Variants in TIAM1 observed in about 807,000 individuals in gnomAD.
TIAM1 encodes the protein rho guanine nucleotide exchange factor TIAM1.
In TIAM1, 65 loss-of-function variants were observed where a neutral mutation model predicts 163.5. The observed-to-expected ratio is 0.40, with a 90% CI of 0.33 to 0.49. TIAM1 has a LOEUF of 0.49. Among genes scored for constraint, TIAM1 ranks in the 20% least tolerant of loss-of-function variants. TIAM1 has a pLI of 0.77. For missense variants in TIAM1, 1,789 were observed against 2,044.7 expected, an observed-to-expected ratio of 0.87 and a Z score of 2.41; for synonymous variants, 833 against 810.1, an observed-to-expected ratio of 1.03 and a Z score of -0.48.
chr21:31,296,719 A>G (rs182956253), intron 2 of TIAM1, among the ~76,000 whole-genome samples: 5 of 151,732 alleles, frequency 3.3e-5, no homozygotes, highest in African/African-American at 9.7e-5. Flanking sequence ...GCTGGAGTGC[A>G]GTGGTGCGAT....
chr21:31,513,487 CCCTGCCATTCAGGAGGGTGA>C (rs2047280516), intron 1 of TIAM1, among the ~76,000 whole-genome samples: 1 of 152,192 alleles, frequency 6.6e-6, no homozygotes, highest in Non-Finnish European at 1.5e-5. Context: ...AAACAAACAG[CCCTGCCATTCAGGAGGGTGA>C]CCCACAAGCT....
intron 6 of TIAM1, among the ~76,000 whole-genome samples, chr21:31,231,758 G>A (rs753518531): frequency 2.0e-5 from 3 of 152,168 alleles, no homozygotes; most frequent in Non-Finnish European, 4.4e-5. Context: ...GTTCATGCCT[G>A]TAGTCCCAGC....
intron 1 of TIAM1, among the ~76,000 whole-genome samples, chr21:31,340,150 C>A (rs560224790): frequency 4.0e-5 from 6 of 151,608 alleles, no homozygotes; most frequent in African/African-American, 1.5e-4. Context: ...GCTCACAATC[C>A]CTTTCCATCC....
In TIAM1 at chr21:31,460,043, G is replaced by A. The variant is rs2045265928; in HGVS notation, c.-369+3940C>T. Among the ~76,000 whole-genome samples, 6 of 152,124 alleles carry A rather than the reference G, an allele frequency of 3.9e-5. No homozygotes were observed. The South Asian group carries it at 1.2e-3, about 32-fold the overall frequency. On this transcript the variant is annotated intron_variant, in intron 2 of 28. Coordinates refer to the TIAM1 transcript ENST00000286827. Reference sequence around the variant, plus strand: ...ACACCCAGATTACAGTGTGGATCTAGAAAATGCACCAAGGAAGCTCCTCTG... The same window carrying A: ...ACACCCAGATTACAGTGTGGATCTAAAAAATGCACCAAGGAAGCTCCTCTG...
In TIAM1 at chr21:31,289,834, T is replaced by C. The variant is rs140636271; in HGVS notation, c.-188-12926A>G. On this transcript the variant is annotated intron_variant, in intron 2 of 27. Transcript: ENST00000541036. ...CCGATACATAAAATCACAAAGCAAA[T>C]CTGTTTCTAGTATGACAGCAACAGG... is the stretch of plus-strand genomic sequence containing the variant. 3.8e-3 allele frequency among the ~76,000 whole-genome samples: 584 copies of C among 152,132 alleles called. 9 individuals are homozygous for C. The highest frequency in any genetic ancestry group is 0.021 in the South Asian group (101 of 4,820).
At chr21:31,412,157 G>A (rs143524338) in intron 2 of TIAM1, among the ~76,000 whole-genome samples, 8 of 152,260 alleles carry the variant, frequency 5.3e-5, no homozygotes, top group African/African-American at 1.4e-4. Context: ...ACTGGACGCC[G>A]TTATCTTAAG....
chr21:31,155,393 T>A (rs989119455), intron 16 of TIAM1, among the ~76,000 whole-genome samples: 3 of 152,250 alleles, frequency 2.0e-5, no homozygotes, highest in Admixed American at 6.5e-5. Flanking sequence ...CAGATATCAA[T>A]ATGTTTTAAA....
chr21:31,499,740 C>T (rs906597382), intron 1 of TIAM1, among the ~76,000 whole-genome samples: 1 of 152,132 alleles, frequency 6.6e-6, no homozygotes, highest in Non-Finnish European at 1.5e-5. Flanking sequence ...ATCCCACCTA[C>T]TCAGGAGGCT....
chr21:31,518,269 T>C (rs1486994067), intron 1 of TIAM1, among the ~76,000 whole-genome samples: 1 of 151,596 alleles, frequency 6.6e-6, no homozygotes, highest in Non-Finnish European at 1.5e-5. Context: ...AATAAATGAG[T>C]GGGGTTTTTT....
At chr21:31,403,361 A>G (rs2077197047) in intron 2 of TIAM1, among the ~76,000 whole-genome samples, 1 of 152,062 alleles carries the variant, frequency 6.6e-6, no homozygotes. Flanking sequence ...GTTAGCCAGG[A>G]TGGTCTCGAT....
chr21:31,131,293 GAAT>G (rs1159760840), intron 23 of TIAM1, among the ~76,000 whole-genome samples: 36 of 152,180 alleles, frequency 2.4e-4, no homozygotes, highest in African/African-American at 8.7e-4. Context: ...GTAGATGGAG[GAAT>G]AATATAAACG....
rs368847669 is a variant in TIAM1 at position 31,141,042 on chromosome 21, AAAAT to A, written c.3774+72_3774+75del. The A allele has an allele frequency of 6.6e-4, 781 of 1,180,420 alleles. 5 individuals carry two copies. The African/African-American group carries it at 9.6e-3, about 15-fold the overall frequency. The allele number at this position is 1,180,420 out of a possible 1,614,324, so 73.1% of individuals were successfully genotyped here. A position where few individuals can be genotyped will look rare whatever the true frequency, so the allele number is the denominator to read the frequency against. On this transcript the variant is annotated intron_variant, in intron 22 of 27. Coordinates refer to ENST00000541036, the MANE Select transcript of TIAM1 (RefSeq NM_001353694.2). This position sits in a 1 kb window ranked among gnomAD's most constrained non-coding sequence, Gnocchi z 4.7. ...TTACTTACAAGTAACACCTTTTTAA[AAAAT>A]AAATAAATAAATAAAAGCAAACTCA... is the stretch of plus-strand genomic sequence containing the variant.
chr21:31,500,502 T>C (rs902515163), intron 1 of TIAM1, among the ~76,000 whole-genome samples: 2 of 152,138 alleles, frequency 1.3e-5, no homozygotes, highest in African/African-American at 4.8e-5. Flanking sequence ...CAGAAAGATA[T>C]GTTGAAGTCC....
chr21:31,535,260 A>G (rs1001281161), intron 1 of TIAM1, among the ~76,000 whole-genome samples: 15 of 151,608 alleles, frequency 9.9e-5, no homozygotes, highest in African/African-American at 3.6e-4. Flanking sequence ...AGGCGCCTGT[A>G]GTCCCAGCTG....
At chr21:31,151,231 T>C (rs548921490) in intron 19 of TIAM1, among the ~76,000 whole-genome samples, 1 of 152,266 alleles carries the variant, frequency 6.6e-6, no homozygotes, top group South Asian at 2.1e-4. Context: ...TTAAGAGAAA[T>C]GAGAGCATAT....
intron 1 of TIAM1, among the ~76,000 whole-genome samples, chr21:31,551,185 G>A (rs1601075495): frequency 6.6e-6 from 1 of 152,006 alleles, no homozygotes; most frequent in Admixed American, 6.6e-5. Flanking sequence ...CTGCACTCCA[G>A]CCTGGGCAAC....
chr21:31,407,392 C>T (rs1332531293), intron 2 of TIAM1, among the ~76,000 whole-genome samples: 3 of 151,990 alleles, frequency 2.0e-5, no homozygotes, highest in Admixed American at 1.3e-4. Flanking sequence ...CACGAAGAAG[C>T]GGCTCAAGCA....
chr21:31,181,018 C>A (rs2084987646), intron 15 of TIAM1, among the ~76,000 whole-genome samples: 1 of 152,206 alleles, frequency 6.6e-6, no homozygotes, highest in African/African-American at 2.4e-5. Flanking sequence ...CAAGAATATC[C>A]AACTACCCAA....
intron 2 of TIAM1, among the ~76,000 whole-genome samples, chr21:31,420,892 T>C (rs1462479415): frequency 4.6e-5 from 7 of 152,064 alleles, no homozygotes; most frequent in Non-Finnish European, 1.0e-4. Flanking sequence ...GAGGCCAAGG[T>C]GGGTGGACCA....
Sources: allele counts gnomAD v4.1 joint callset (sites outside exome capture counted in the v4.1 genomes callset), GRCh38; gene constraint gnomAD v4.1.1; non-coding constraint Gnocchi (gnomAD v3.1); transcripts MANE v1.5; gene names NCBI Gene and HGNC (gene_info 2026-07-23, HGNC 2026-07-21).